Variants in ADAMTS17 observed in about 807,000 individuals in gnomAD.
The protein encoded by ADAMTS17 is A disintegrin and metalloproteinase with thrombospondin motifs 17.
A neutral mutation model predicts 141.5 loss-of-function variants in ADAMTS17; 113 were observed. The ratio of observed to expected loss-of-function variants is 0.80; its 90% CI spans 0.69 to 0.93. ADAMTS17 has a LOEUF of 0.93. Among genes scored for constraint, ADAMTS17 ranks in the 40% least tolerant of loss-of-function variants. The pLI, the probability that ADAMTS17 is intolerant of heterozygous loss-of-function variation, is 0.00. For synonymous variants in ADAMTS17, 768 were observed against 630.6 expected (o/e 1.22, Z -3.27); for missense variants, 1,659 against 1,517.9 (o/e 1.09, Z -1.54).
chr15:100,116,940 T>C lies in ADAMTS17; in HGVS notation c.1795A>G (p.Lys599Glu), dbSNP rs1394891265. ...TGGTCCCGGAAGCTGGGCAGACCCT[T>C]GGGGCAGGGCAGGTTCTCGCAGACC... The part of the protein sequence containing the change: ...HAVCENLPCP[K>E]GLPSFRDQQC... Residue 599 changes from lysine to glutamate, a missense_variant, in exon 13 of 22, where the codon AAG (lysine) becomes GAG (glutamate). Transcript: ENST00000268070. The C allele has an allele frequency of 1.9e-6, 3 of 1,614,104 alleles. No individual in the cohort carries two copies. Among genetic ancestry groups the C allele is most frequent in the Non-Finnish European group, 2.5e-6 (3 of 1,180,028 alleles).
intron 15 of ADAMTS17, among the ~76,000 whole-genome samples, chr15:100,066,076 T>C (rs1432426871): frequency 6.6e-6 from 1 of 152,224 alleles, no homozygotes; most frequent in East Asian, 1.9e-4. Context: ...TATGGCTGCA[T>C]AGTATTCCAT....
chr15:100,122,827 G>A (rs533023998), intron 12 of ADAMTS17, among the ~76,000 whole-genome samples: 1 of 152,252 alleles, frequency 6.6e-6, no homozygotes, highest in South Asian at 2.1e-4. Context: ...TGAGAAAGAG[G>A]AGGAGTTGGT....
At chr15:100,223,949 CCA>C (rs2042221622) in intron 7 of ADAMTS17, among the ~76,000 whole-genome samples, 1 of 152,048 alleles carries the variant, frequency 6.6e-6, no homozygotes, top group South Asian at 2.1e-4. Context: ...AACTTGGAGT[CCA>C]GTGTTCAATG....
rs1043671132 is a variant in ADAMTS17, at chr15:100,059,604, T to C, written c.2138-5550A>G. On this transcript the variant is annotated intron_variant, in intron 15 of 21. Coordinates refer to ENST00000268070, the MANE Select transcript of ADAMTS17 (RefSeq NM_139057.4). Reference sequence around the variant, plus strand: ...TCAAAAGAGATGTCAGCCTCAGAGATTCCTTTGGGACGTCAAGATCATTTT... The same window carrying C: ...TCAAAAGAGATGTCAGCCTCAGAGACTCCTTTGGGACGTCAAGATCATTTT... Among the ~76,000 whole-genome samples the C allele has an allele frequency of 1.1e-4, 17 of 152,204 alleles. 1 individual carries two copies. The highest frequency in any genetic ancestry group is 1.0e-3 in the Admixed American group (16 of 15,284).
At chr15:100,232,848 G>A (rs544232610) in intron 7 of ADAMTS17, among the ~76,000 whole-genome samples, 18 of 152,210 alleles carry the variant, frequency 1.2e-4, no homozygotes, top group African/African-American at 4.3e-4. Context: ...GGCGCAGATC[G>A]ATTCCACTGC....
chr15:100,191,796 G>GGA (rs1316782324), intron 8 of ADAMTS17, among the ~76,000 whole-genome samples: 1 of 152,146 alleles, frequency 6.6e-6, no homozygotes, highest in African/African-American at 2.4e-5. Flanking sequence ...AAGGGAGAGG[G>GGA]GAGGAAGCAA....
intron 3 of ADAMTS17, 137 bp from the exon 4 acceptor site, chr15:100,281,538 T>A: frequency 8.7e-7 from 1 of 1,148,592 alleles, no homozygotes; most frequent in Non-Finnish European, 1.3e-6. Context: ...CACCCAGCAA[T>A]CTCCACCGTC....
intron 15 of ADAMTS17, among the ~76,000 whole-genome samples, chr15:100,080,718 T>C (rs1029497418): frequency 2.0e-5 from 3 of 152,244 alleles, no homozygotes; most frequent in African/African-American, 4.8e-5. Context: ...TGTGCATGTA[T>C]ACACTTGTAC....
At chr15:100,016,821 T>C (rs1253146142) in intron 18 of ADAMTS17, among the ~76,000 whole-genome samples, 1 of 152,188 alleles carries the variant, frequency 6.6e-6, no homozygotes, top group Non-Finnish European at 1.5e-5. Flanking sequence ...GGTTTAGTAT[T>C]CTATTTTTGT....
chr15:100,173,960 C>G (rs555092798), intron 8 of ADAMTS17, among the ~76,000 whole-genome samples: 1 of 152,292 alleles, frequency 6.6e-6, no homozygotes, highest in African/African-American at 2.4e-5. Context: ...GGACCAGAGC[C>G]GCAGCTTTCT....
intron 4 of ADAMTS17, among the ~76,000 whole-genome samples, chr15:100,280,647 T>C (rs2044248439): frequency 1.3e-5 from 2 of 152,126 alleles, no homozygotes; most frequent in African/African-American, 4.8e-5. Context: ...ACTTGGTCCT[T>C]AAAAACACCT....
intron 8 of ADAMTS17, among the ~76,000 whole-genome samples, chr15:100,196,835 C>A (rs968286556): frequency 6.6e-6 from 1 of 152,212 alleles, no homozygotes; most frequent in African/African-American, 2.4e-5. Context: ...GAGGACATAG[C>A]TTCATCCTCA....
At chr15:100,259,800 C>A (rs2043452452) in intron 6 of ADAMTS17, among the ~76,000 whole-genome samples, 1 of 152,198 alleles carries the variant, frequency 6.6e-6, no homozygotes, top group African/African-American at 2.4e-5. Flanking sequence ...GAGCAGGCAT[C>A]CATTTGGCAA....
chr15:100,259,178 C>T (rs988109366), intron 6 of ADAMTS17, among the ~76,000 whole-genome samples: 1 of 152,146 alleles, frequency 6.6e-6, no homozygotes, highest in African/African-American at 2.4e-5. Context: ...CCACAGATGA[C>T]GTTGTTTAGA....
chr15:100,094,686 A>AT (rs746421902), intron 15 of ADAMTS17, among the ~76,000 whole-genome samples: 6 of 152,182 alleles, frequency 3.9e-5, no homozygotes, highest in Non-Finnish European at 7.4e-5. Flanking sequence ...GCTCAGTACA[A>AT]TGTTCAATTT....
At chr15:100,162,500 CATT>C (rs1240551976) in intron 8 of ADAMTS17, among the ~76,000 whole-genome samples, 11 of 115,510 alleles carry the variant, frequency 9.5e-5, no homozygotes, top group East Asian at 3.8e-4. Context: ...CACATATACA[CATT>C]ATATGTGTAT....
intron 15 of ADAMTS17, among the ~76,000 whole-genome samples, chr15:100,069,768 G>A (rs1292537757): frequency 3.3e-5 from 5 of 150,146 alleles, no homozygotes; most frequent in Non-Finnish European, 7.4e-5. Flanking sequence ...AGGAACAACT[G>A]GTAACAGCCA....
intron 7 of ADAMTS17, among the ~76,000 whole-genome samples, chr15:100,237,267 C>T (rs2042687421): frequency 6.6e-6 from 1 of 152,136 alleles, no homozygotes; most frequent in African/African-American, 2.4e-5. Flanking sequence ...CGGCACCAGG[C>T]AAGCAGGAGG....
intron 12 of ADAMTS17, among the ~76,000 whole-genome samples, chr15:100,117,523 G>A (rs1313719893): frequency 6.6e-6 from 1 of 152,190 alleles, no homozygotes; most frequent in Non-Finnish European, 1.5e-5. Context: ...GGCTTTGACT[G>A]GAGACCAGTT....
Sources: allele counts gnomAD v4.1 joint callset (sites outside exome capture counted in the v4.1 genomes callset), GRCh38; gene constraint gnomAD v4.1.1; transcripts MANE v1.5; gene names NCBI Gene and HGNC (gene_info 2026-07-23, HGNC 2026-07-21).